The following UAP1 variants were observed in gnomAD, a reference collection of about 807,000 sequenced individuals.
UAP1 encodes the protein UDP-N-acetylhexosamine pyrophosphorylase.
UAP1 carries 25 observed loss-of-function variants against 58.5 expected under a neutral mutation model. That is an observed-to-expected ratio of 0.43 (90% CI 0.31 to 0.60). The LOEUF (loss-of-function observed/expected upper bound fraction) is 0.60, where lower values mean the gene tolerates loss of function less well. UAP1 is among the 20% of genes least tolerant of loss of function. The pLI is 0.11. For missense variants in UAP1, 575 were observed against 630.0 expected (o/e 0.91, Z 0.93); for synonymous variants, 208 against 213.0 (o/e 0.98, Z 0.21).
At chr1:162,589,722 G>A (rs1265849367) in intron 7 of UAP1, among the ~76,000 whole-genome samples, 1 of 152,166 alleles carries the variant, frequency 6.6e-6, no homozygotes, top group Non-Finnish European at 1.5e-5. Context: ...TGTAATTCCA[G>A]CAGTTTGGGA....
chr1:162,571,651 G>T (rs551012068), intron 2 of UAP1, among the ~76,000 whole-genome samples: 1 of 152,140 alleles, frequency 6.6e-6, no homozygotes, highest in Non-Finnish European at 1.5e-5. Context: ...ACATTTTTCA[G>T]GTAGGTGCTG....
rs778567673 is a variant in UAP1, at chr1:162,588,884, C to T, written c.1169+51C>T. 2.6e-6 allele frequency: 4 copies of T among 1,542,940 alleles called. No homozygotes were observed. The African/African-American group carries it at 4.2e-5, about 16-fold the overall frequency. On this transcript the variant is annotated intron_variant, in intron 7 of 10. Transcript: ENST00000271469. ...GTTAAATAAATGTCTTAAAATGCTG[C>T]TTTTCACTCTCTTAGGCATGAAACT...
chr1:162,571,151 C>T (rs965860844), intron 2 of UAP1, among the ~76,000 whole-genome samples: 1 of 146,044 alleles, frequency 6.8e-6, no homozygotes, highest in Non-Finnish European at 1.5e-5. Flanking sequence ...TTTTTTGAGG[C>T]GGAGTCTCAC....
rs546703888 is a variant in UAP1 at position 162,576,292 on chromosome 1, CTCTG to C, written c.281-481_281-478del. Among the ~76,000 whole-genome samples the C allele has an allele frequency of 6.8e-4, 104 of 152,124 alleles. 1 individual carries two copies. Among genetic ancestry groups the C allele is most frequent in the African/African-American group, 2.0e-3 (84 of 41,502 alleles). The stretch of plus-strand genomic sequence containing the variant: ...TCCCGAAACTTTGGTATTTTCTTTA[CTCTG>C]TCTTTTTTTTGACTTGCCACATCAA... On this transcript the variant is annotated intron_variant, in intron 2 of 10. Coordinates refer to ENST00000271469, the Ensembl canonical transcript of UAP1.
At chr1:162,571,713 T>C (rs909244257) in intron 2 of UAP1, among the ~76,000 whole-genome samples, 1 of 152,244 alleles carries the variant, frequency 6.6e-6, no homozygotes, top group African/African-American at 2.4e-5. Flanking sequence ...AAAAAGCTTA[T>C]TGAATTTTAT....
At chr1:162,591,729 G>T (rs1238409897) in intron 8 of UAP1, among the ~76,000 whole-genome samples, 5 of 151,214 alleles carry the variant, frequency 3.3e-5, no homozygotes, top group African/African-American at 1.2e-4. Context: ...CAGGTGATCC[G>T]CCCGCTTTGG....
intron 3 of UAP1, 137 bp from the exon 4 acceptor site, chr1:162,579,291 C>A: frequency 1.8e-6 from 1 of 559,156 alleles, no homozygotes; most frequent in Non-Finnish European, 2.8e-6. Flanking sequence ...GTGTCTTACC[C>A]AGGAAAAATA....
chr1:162,592,632 T>C, intron 8 of UAP1, 100 bp from the exon 9 acceptor site: 3 of 910,686 alleles, frequency 3.3e-6, no homozygotes, highest in Non-Finnish European at 5.2e-6. Flanking sequence ...TGATTTACCA[T>C]AAATACATAC....
downstream of UAP1, among the ~76,000 whole-genome samples, chr1:162,600,708 T>A (rs1655867668): frequency 6.6e-6 from 1 of 152,094 alleles, no homozygotes; most frequent in African/African-American, 2.4e-5. Flanking sequence ...ATTTTTTTTT[T>A]AACTAAGGCC....
At chr1:162,589,276 A>G (rs1655151859) in intron 7 of UAP1, among the ~76,000 whole-genome samples, 1 of 130,642 alleles carries the variant, frequency 7.7e-6, no homozygotes, top group South Asian at 2.1e-4. Context: ...TATTTATAAT[A>G]TATATAAATA....
rs1344113321 is a variant in UAP1, at chr1:162,575,397, A to G, written c.281-1380A>G. Among the ~76,000 whole-genome samples the G allele has an allele frequency of 2.0e-5, 3 of 152,130 alleles. No homozygotes were observed. In the East Asian group the frequency reaches 5.8e-4, roughly 29 times the overall value. On this transcript the variant is annotated intron_variant, in intron 2 of 10. Transcript: ENST00000271469. ...AAAAGGCGTTTTAATAAATTAATAT[A>G]TATTTACATATAATAAAATGCATTA...
chr1:162,595,972 C>T (rs1036700570), intron 9 of UAP1, among the ~76,000 whole-genome samples: 1 of 152,100 alleles, frequency 6.6e-6, no homozygotes, highest in Non-Finnish European at 1.5e-5. Context: ...CTGCCTCAGC[C>T]TCCTGAGTAG....
chr1:162,588,444 A>G (rs1353790543), intron 6 of UAP1, among the ~76,000 whole-genome samples: 1 of 152,198 alleles, frequency 6.6e-6, no homozygotes, highest in African/African-American at 2.4e-5. Context: ...AGGCATTTGT[A>G]ATGAATACAG....
At chr1:162,565,870 C>A in intron 1 of UAP1, 142 bp from the exon 2 acceptor site, 1 of 585,632 alleles carries the variant, frequency 1.7e-6, no homozygotes, top group Non-Finnish European at 3.0e-6. Flanking sequence ...CAGGTTTGAT[C>A]TCTTACAAAT....
intron 2 of UAP1, among the ~76,000 whole-genome samples, chr1:162,569,039 A>T (rs1050530829): frequency 6.6e-6 from 1 of 152,224 alleles, no homozygotes; most frequent in East Asian, 1.9e-4. Context: ...AAAGATATTT[A>T]TCTGTAGCTT....
At chr1:162,566,257 G>C in exon 2 of UAP1, 1 of 1,614,180 alleles carries the variant, frequency 6.2e-7, no homozygotes. Context: ...CTCACCAAAA[G>C]AATGTGGATG....
At chr1:162,569,494 C>G (rs1279532808) in intron 2 of UAP1, among the ~76,000 whole-genome samples, 1 of 152,118 alleles carries the variant, frequency 6.6e-6, no homozygotes, top group Non-Finnish European at 1.5e-5. Flanking sequence ...ACTAGAAAAT[C>G]TTTATTTTAC....
exon 2 of UAP1, chr1:162,566,239 C>T (rs2101729217): frequency 6.2e-7 from 1 of 1,614,156 alleles, no homozygotes; most frequent in East Asian, 2.2e-5. Flanking sequence ...AAGGTTTTAA[C>T]CAGTCTTCTC....
At chr1:162,582,996 T>A (rs1235071853) in intron 5 of UAP1, among the ~76,000 whole-genome samples, 2 of 141,778 alleles carry the variant, frequency 1.4e-5, no homozygotes, top group African/African-American at 5.2e-5. Context: ...TTTTTTTTTT[T>A]AGCCACAGAC....
Sources: gnomAD v4.1 joint callset for allele counts (sites outside exome capture counted in the v4.1 genomes callset) on GRCh38, gnomAD v4.1.1 for gene constraint, MANE v1.5 for transcripts, NCBI Gene and HGNC (gene_info 2026-07-23, HGNC 2026-07-21) for gene names.